The following PRKD1 variants were observed in gnomAD, a reference collection of about 807,000 sequenced individuals.
PRKD1 encodes the protein serine/threonine-protein kinase D1.
PRKD1 carries 63 observed loss-of-function variants against 95.9 expected under a neutral mutation model. The ratio of observed to expected loss-of-function variants is 0.66; its 90% confidence interval spans 0.54 to 0.81. The LOEUF (loss-of-function observed/expected upper bound fraction) is 0.81. PRKD1 is among the 30% of genes least tolerant of loss of function. The probability of loss-of-function intolerance (pLI) is 0.00; values close to 1 mark genes in which losing one functional copy is unlikely to be tolerated. For missense variants in PRKD1, 1,048 were observed against 1,165.3 expected, an observed-to-expected ratio of 0.90 and a Z score of 1.47; for synonymous variants, 425 against 423.1, an observed-to-expected ratio of 1.00 and a Z score of -0.05.
chr14:29,709,691 G>A (rs566587266), intron 2 of PRKD1, among the ~76,000 whole-genome samples: 10 of 152,140 alleles, frequency 6.6e-5, no homozygotes, highest in Middle Eastern at 3.2e-3. Context: ...GCAGGAGAAG[G>A]CTGATGCAAC....
intron 2 of PRKD1, among the ~76,000 whole-genome samples, chr14:29,707,861 T>C (rs1284089401): frequency 6.6e-6 from 1 of 152,148 alleles, no homozygotes; most frequent in Non-Finnish European, 1.5e-5. Context: ...TTATTCATCA[T>C]CATAAGATGG....
chr14:29,722,853 TATA>T (rs1359483893), intron 2 of PRKD1, among the ~76,000 whole-genome samples: 1 of 152,076 alleles, frequency 6.6e-6, no homozygotes, highest in African/African-American at 2.4e-5. Flanking sequence ...AAGACATGAA[TATA>T]ATAAGTCGCA....
intron 1 of PRKD1, among the ~76,000 whole-genome samples, chr14:29,805,468 A>G (rs1434819541): frequency 6.6e-6 from 1 of 152,262 alleles, no homozygotes; most frequent in Non-Finnish European, 1.5e-5. Context: ...CCAGAAAAAT[A>G]GAATGCTAAT....
rs72142312 is a variant in PRKD1, at chr14:29,616,243, C to CAAAAAAA, written c.1905+7902_1905+7908dup. ...GAGCCTTAGAAATCAAGAGTATGGC[C>CAAAAAAA]AAAAAAAAAAAAAAAAAAAAAAGCC... is the stretch of plus-strand genomic sequence containing the variant. On this transcript the variant is annotated intron_variant, in intron 13 of 17. Transcript: ENST00000331968. 8.5e-4 allele frequency among the ~76,000 whole-genome samples: 29 copies of CAAAAAAA among 33,958 alleles called. 7 individuals are homozygous for CAAAAAAA. The highest frequency in any genetic ancestry group is 3.6e-3 in the African/African-American group (28 of 7,834). The allele number at this position is 33,958 out of a possible 152,430, so 22.3% of individuals were successfully genotyped here.
chr14:29,882,338 T>A (rs1893542346), intron 1 of PRKD1, among the ~76,000 whole-genome samples: 1 of 152,230 alleles, frequency 6.6e-6, no homozygotes, highest in South Asian at 2.1e-4. Flanking sequence ...TTGTCTAATA[T>A]ATTTCCAGTG....
At chr14:29,655,921 A>C (rs1881806955) in intron 4 of PRKD1, among the ~76,000 whole-genome samples, 1 of 149,852 alleles carries the variant, frequency 6.7e-6, no homozygotes, top group Admixed American at 6.6e-5. Flanking sequence ...AAGTATAATA[A>C]AAAATATATA....
intron 1 of PRKD1, among the ~76,000 whole-genome samples, chr14:29,777,735 C>T (rs755120451): frequency 3.9e-5 from 6 of 152,064 alleles, no homozygotes; most frequent in Admixed American, 6.6e-5. Context: ...GACAGATCAA[C>T]GAGACAGAAA....
At chr14:29,667,912 A>G (rs1055518549) in intron 2 of PRKD1, among the ~76,000 whole-genome samples, 1 of 149,348 alleles carries the variant, frequency 6.7e-6, no homozygotes, top group African/African-American at 2.5e-5. Flanking sequence ...CACTCCTCCA[A>G]TTTATGCTAG....
rs1023849768 is a variant in PRKD1, at chr14:29,909,728, C to T, written c.264+17521G>A. On this transcript the variant is annotated intron_variant, in intron 1 of 17. Coordinates refer to ENST00000331968, the MANE Select transcript of PRKD1 (RefSeq NM_002742.3). Reference sequence around the variant, plus strand: ...CTGTGTCTAGCTCAAGGTTTGTAAACACACCAATCAGCACTCTGTAGCTAG... The same window carrying T: ...CTGTGTCTAGCTCAAGGTTTGTAAATACACCAATCAGCACTCTGTAGCTAG... Among the ~76,000 whole-genome samples the T allele has an allele frequency of 2.0e-5, 3 of 151,990 alleles. No individual in the cohort carries two copies. In the South Asian group the frequency reaches 6.2e-4, roughly 32 times the overall value.
At chr14:29,594,436 C>T (rs141144309) in intron 16 of PRKD1, among the ~76,000 whole-genome samples, 3 of 152,276 alleles carry the variant, frequency 2.0e-5, no homozygotes, top group African/African-American at 2.4e-5. Flanking sequence ...GCTCACCCCA[C>T]GCCTGCCTTT....
chr14:29,804,719 A>G (rs908865141), intron 1 of PRKD1, among the ~76,000 whole-genome samples: 1 of 152,218 alleles, frequency 6.6e-6, no homozygotes, highest in African/African-American at 2.4e-5. Flanking sequence ...CAAACCTCTC[A>G]GTGCTAACAT....
At chr14:29,638,218 A>G in intron 6 of PRKD1, 1 of 455,502 alleles carries the variant, frequency 2.2e-6, no homozygotes, top group Non-Finnish European at 3.9e-6. Flanking sequence ...TAAGAATATA[A>G]GATAATAAAA....
chr14:29,804,640 A>C (rs1890165285), intron 1 of PRKD1, among the ~76,000 whole-genome samples: 1 of 152,198 alleles, frequency 6.6e-6, no homozygotes, highest in Non-Finnish European at 1.5e-5. Context: ...CCACAGTAAC[A>C]AAGTGAACAG....
intron 1 of PRKD1, among the ~76,000 whole-genome samples, chr14:29,795,504 A>C (rs1889773503): frequency 6.6e-6 from 1 of 152,154 alleles, no homozygotes; most frequent in Admixed American, 6.5e-5. Flanking sequence ...AGCTCTAATT[A>C]AACATTGTCT....
intron 1 of PRKD1, among the ~76,000 whole-genome samples, chr14:29,868,877 A>G (rs2139373363): frequency 6.6e-6 from 1 of 152,344 alleles, no homozygotes; most frequent in East Asian, 1.9e-4. Flanking sequence ...ATACGGACAC[A>G]AGTGCAAGGC....
At chr14:29,680,090 G>C (rs949215319) in intron 2 of PRKD1, among the ~76,000 whole-genome samples, 10 of 152,124 alleles carry the variant, frequency 6.6e-5, no homozygotes, top group Admixed American at 1.3e-4. Flanking sequence ...GGAAGTCACT[G>C]GTGGACAACT....
intron 1 of PRKD1, among the ~76,000 whole-genome samples, chr14:29,791,666 T>C (rs548769037): frequency 1.2e-4 from 19 of 152,320 alleles, no homozygotes; most frequent in African/African-American, 4.6e-4. Context: ...TCCCTTGTTA[T>C]TGCCAAATAA....
rs192451483 is a variant in PRKD1, at chr14:29,576,919, G to T, written c.*319C>A. ...GATACATTCTGTCTCTTACCAAAAT[G>T]AAGCTCCAGTAAGAAAAACACTGAT... On this transcript the variant is annotated 3_prime_UTR_variant, in exon 18 of 18. Coordinates refer to ENST00000331968, the MANE Select transcript of PRKD1 (RefSeq NM_002742.3). 2.8e-6 allele frequency: 1 copy of T among 354,088 alleles called. No individual in the cohort carries two copies. Among genetic ancestry groups the T allele is most frequent in the East Asian group, 6.3e-5 (1 of 15,952 alleles). 21.9% of individuals were successfully genotyped at this position (354,088 alleles called of 1,614,324 possible).
intron 13 of PRKD1, among the ~76,000 whole-genome samples, chr14:29,607,775 C>T (rs1878104670): frequency 6.6e-6 from 1 of 152,194 alleles, no homozygotes; most frequent in Admixed American, 6.5e-5. Flanking sequence ...ATTTTAAGGT[C>T]TGCAACTTTA....
Sources: allele counts gnomAD v4.1 joint callset (sites outside exome capture counted in the v4.1 genomes callset), GRCh38; gene constraint gnomAD v4.1.1; transcripts MANE v1.5; gene names NCBI Gene and HGNC (gene_info 2026-07-23, HGNC 2026-07-21).